The following RASAL2 variants were observed in gnomAD, a reference collection of about 807,000 sequenced individuals.
RASAL2 encodes RAS protein activator like 2.
Under a neutral mutation model 128.9 loss-of-function variants are expected in RASAL2, and 58 were observed. The ratio of observed to expected loss-of-function variants is 0.45; its 90% confidence interval spans 0.36 to 0.56. The LOEUF is 0.56. Among genes scored for constraint, RASAL2 ranks in the 20% least tolerant of loss-of-function variants. The pLI is 0.00. For synonymous variants in RASAL2, 561 were observed against 580.8 expected (o/e 0.97, Z 0.49); for missense variants, 1,360 against 1,601.6 (o/e 0.85, Z 2.57).
intron 1 of RASAL2, among the ~76,000 whole-genome samples, chr1:178,179,521 G>C (rs2101925574): frequency 6.6e-6 from 1 of 152,312 alleles, no homozygotes; most frequent in Non-Finnish European, 1.5e-5. Context: ...AGAGAGGACA[G>C]GTAGTGAGCA....
At chr1:178,111,366 C>T (rs942655225) in intron 1 of RASAL2, among the ~76,000 whole-genome samples, 8 of 152,188 alleles carry the variant, frequency 5.3e-5, no homozygotes, top group Non-Finnish European at 1.0e-4. Context: ...GCCTTGGCCT[C>T]CCAAAGTGCT....
chr1:178,332,142 G>A (rs1669351426), intron 3 of RASAL2, among the ~76,000 whole-genome samples: 1 of 152,010 alleles, frequency 6.6e-6, no homozygotes, highest in African/African-American at 2.4e-5. Context: ...GATGGTATAG[G>A]ATAAAGCATA....
intron 17 of RASAL2, among the ~76,000 whole-genome samples, chr1:178,468,048 C>T (rs1647917466): frequency 6.6e-6 from 1 of 152,196 alleles, no homozygotes; most frequent in African/African-American, 2.4e-5. Context: ...CTCACTGTAG[C>T]TCACACCTGT....
At chr1:178,395,207 A>G (rs1479336484) in intron 4 of RASAL2, among the ~76,000 whole-genome samples, 2 of 152,190 alleles carry the variant, frequency 1.3e-5, no homozygotes, top group Admixed American at 6.5e-5. Context: ...TTAAATCAAA[A>G]TCTCTAGACT....
intron 1 of RASAL2, among the ~76,000 whole-genome samples, chr1:178,110,650 A>ATATGTATG (rs146642908): frequency 7.9e-5 from 11 of 139,162 alleles, no homozygotes; most frequent in African/African-American, 2.9e-4. Flanking sequence ...ATATATATAT[A>ATATGTATG]TATGTATGTA....
chr1:178,378,044 A>G (rs915773906), intron 3 of RASAL2, among the ~76,000 whole-genome samples: 5 of 152,040 alleles, frequency 3.3e-5, no homozygotes, highest in East Asian at 1.9e-4. Context: ...AAAAATGGGG[A>G]AAAAAATAGA....
At chr1:178,433,060 T>C (rs968956856) in intron 5 of RASAL2, among the ~76,000 whole-genome samples, 1 of 152,106 alleles carries the variant, frequency 6.6e-6, no homozygotes, top group Non-Finnish European at 1.5e-5. Context: ...AACGTCATTA[T>C]TCACCAGGCC....
At position 178,466,069 on chromosome 1, in the gene RASAL2, G is replaced by C. The variant is rs1459788106; in HGVS notation, c.3537G>C (p.Arg1179=). 2 of 1,581,606 alleles carry C rather than the reference G, an allele frequency of 1.3e-6. No individual in the cohort carries two copies. The highest frequency in any genetic ancestry group is 1.8e-5 in the Admixed American group (1 of 56,210). Residue 1179 remains arginine, a synonymous_variant, in exon 16 of 18, where the codon CGG becomes CGC. Coordinates refer to ENST00000367649, the MANE Select transcript of RASAL2 (RefSeq NM_170692.4). Reference sequence around the variant, plus strand: ...CCCGACTGGAGGACAGCGAGGAGCGGCTCCGAAGACAGCAGGAAGAAAAAG... The same window carrying C: ...CCCGACTGGAGGACAGCGAGGAGCGCCTCCGAAGACAGCAGGAAGAAAAAG... ...YKARLEDSEE[R]LRRQQEEKDS...
intron 1 of RASAL2, among the ~76,000 whole-genome samples, chr1:178,137,050 G>A (rs1233701587): frequency 1.3e-5 from 2 of 152,112 alleles, no homozygotes; most frequent in Non-Finnish European, 2.9e-5. Context: ...AATTTTTAAT[G>A]TAGTTGAAAC....
intron 1 of RASAL2, among the ~76,000 whole-genome samples, chr1:178,105,813 C>T (rs947573469): frequency 2.0e-5 from 3 of 151,818 alleles, no homozygotes; most frequent in African/African-American, 7.3e-5. Context: ...GGTGCTACTT[C>T]AGGTGTGCAC....
intron 4 of RASAL2, among the ~76,000 whole-genome samples, chr1:178,415,994 G>GT (rs1674726198): frequency 1.5e-5 from 2 of 135,210 alleles, no homozygotes; most frequent in African/African-American, 5.5e-5. Flanking sequence ...GTTGGGTTTT[G>GT]TTTTCTGATC....
chr1:178,217,596 T>A (rs1277199167), intron 1 of RASAL2, among the ~76,000 whole-genome samples: 1 of 152,238 alleles, frequency 6.6e-6, no homozygotes, highest in Non-Finnish European at 1.5e-5. Context: ...CACATGAATT[T>A]TTTTGTTTCT....
intron 9 of RASAL2, among the ~76,000 whole-genome samples, chr1:178,449,162 C>T (rs983051732): frequency 1.1e-4 from 16 of 152,110 alleles, no homozygotes; most frequent in African/African-American, 1.7e-4. Context: ...TAATAGTGTA[C>T]GATATCTGTC....
chr1:178,121,199 A>G (rs1443097486), intron 1 of RASAL2: 1 of 152,200 alleles, frequency 6.6e-6, no homozygotes, highest in Non-Finnish European at 1.5e-5. Flanking sequence ...TTTTGTGAAT[A>G]AATTCTTTCT....
Position 178,445,502 on chromosome 1 carries a change from A to G in RASAL2, c.1483-16A>G, listed in dbSNP as rs747464669. On this transcript the variant is annotated splice_polypyrimidine_tract_variant and intron_variant, in intron 8 of 17. Coordinates refer to ENST00000367649, the MANE Select transcript of RASAL2 (RefSeq NM_170692.4). ...TATTCAGTTGCTTTCTGCCTGATTG[A>G]ACATTATTCTACCAGGATTTTCTGA... 1 of 1,610,672 alleles carries G rather than the reference A, an allele frequency of 6.2e-7. No homozygotes were observed. Among genetic ancestry groups the G allele is most frequent in the African/African-American group, 1.3e-5 (1 of 74,718 alleles).
At chr1:178,127,551 G>A (rs1198618302) in intron 1 of RASAL2, among the ~76,000 whole-genome samples, 1 of 152,056 alleles carries the variant, frequency 6.6e-6, no homozygotes, top group Admixed American at 6.6e-5. Flanking sequence ...GAAAGAGCCT[G>A]TCTTTTTTGA....
chr1:178,292,831 G>A (rs1162671390), intron 2 of RASAL2, among the ~76,000 whole-genome samples: 1 of 151,848 alleles, frequency 6.6e-6, no homozygotes, highest in East Asian at 1.9e-4. Flanking sequence ...TATTAGGCAG[G>A]GTCCATTTGA....
intron 1 of RASAL2, among the ~76,000 whole-genome samples, chr1:178,174,165 AT>A (rs1331172888): frequency 4.6e-5 from 7 of 151,718 alleles, no homozygotes; most frequent in South Asian, 2.1e-4. Context: ...TTAGCATATA[AT>A]TTTTTTTCTG....
At chr1:178,451,363 G>A (rs1677365577) in intron 9 of RASAL2, among the ~76,000 whole-genome samples, 1 of 152,108 alleles carries the variant, frequency 6.6e-6, no homozygotes, top group African/African-American at 2.4e-5. Flanking sequence ...TCCACTTCCA[G>A]GATAAGAAAA....
Sources: allele counts gnomAD v4.1 joint callset (sites outside exome capture counted in the v4.1 genomes callset), GRCh38; gene constraint gnomAD v4.1.1; transcripts MANE v1.5; gene names NCBI Gene and HGNC (gene_info 2026-07-23, HGNC 2026-07-21).